The following SEMA3F variants were observed in gnomAD, a reference collection of about 807,000 sequenced individuals.
The protein encoded by SEMA3F is semaphorin-3F.
A neutral mutation model predicts 98.5 loss-of-function variants in SEMA3F; 30 were observed. That is an observed-to-expected ratio of 0.30 (90% CI 0.23 to 0.41). The LOEUF (loss-of-function observed/expected upper bound fraction) is 0.41. Ranked by LOEUF, SEMA3F falls within the 10% of genes least tolerant of loss-of-function variation. The pLI is 1.00. For synonymous variants in SEMA3F, 380 were observed against 444.8 expected, an observed-to-expected ratio of 0.85 and a Z score of 1.83; for missense variants, 866 against 1,119.3, an observed-to-expected ratio of 0.77 and a Z score of 3.23.
At position 50,159,630 on chromosome 3, in the gene SEMA3F, T is replaced by TCGC; in HGVS notation, c.11_13dup (p.Ala4dup). 6.2e-7 allele frequency: 1 copy of TCGC among 1,607,280 alleles called. No homozygotes were observed. Among genetic ancestry groups the TCGC allele is most frequent in the Non-Finnish European group, 8.5e-7 (1 of 1,176,112 alleles). On this transcript the variant is annotated inframe_insertion, in exon 2 of 19. Transcript: ENST00000002829. Reference sequence around the variant, plus strand: ...CCCTAGGCCCCTCCCACAATGCTTGTCGCCGGTCTTCTTCTCTGGGCTTCC... The same window carrying TCGC: ...CCCTAGGCCCCTCCCACAATGCTTGTCGCCGCCGGTCTTCTTCTCTGGGCTTCC...
chr3:50,157,794 A>G lies in SEMA3F; in HGVS notation c.-48-1781A>G, dbSNP rs527737357. 2.5e-4 allele frequency among the ~76,000 whole-genome samples: 38 copies of G among 152,176 alleles called. No individual in the cohort carries two copies. In the South Asian group the frequency reaches 7.1e-3, roughly 28 times the overall value. On this transcript the variant is annotated intron_variant, in intron 1 of 18. Transcript: ENST00000002829. Reference sequence around the variant, plus strand: ...TCTCTGGACACATTGGGTGACTCCAACCCTGTCCTTGGTGACACTGACTTT... The same window carrying G: ...TCTCTGGACACATTGGGTGACTCCAGCCCTGTCCTTGGTGACACTGACTTT...
chr3:50,180,892 C>A (rs1164810886), intron 7 of SEMA3F, among the ~76,000 whole-genome samples: 1 of 152,032 alleles, frequency 6.6e-6, no homozygotes, highest in Admixed American at 6.5e-5. Context: ...CATGGTGAAA[C>A]CCCGTCTCTA....
chr3:50,185,483 T>C lies in SEMA3F; in HGVS notation c.1497T>C (p.Asp499=). The change falls in exon 14 of 19, where the codon GAT becomes GAC. Residue 499 remains aspartate (D), a synonymous_variant. Transcript: ENST00000002829. Reference sequence around the variant, plus strand: ...AGAAGGTCATTGTGCTGCCCAAGGATGACCAGGAGTTGGAGGAGCTCATGC... The same window carrying C: ...AGAAGGTCATTGTGCTGCCCAAGGACGACCAGGAGTTGGAGGAGCTCATGC... ...TVQKVIVLPK[D]DQELEELMLE... 6.2e-7 allele frequency: 1 copy of C among 1,613,844 alleles called. No individual in the cohort carries two copies. The highest frequency in any genetic ancestry group is 1.1e-5 in the South Asian group (1 of 91,064).
chr3:50,175,287 T>G, intron 6 of SEMA3F, 99 bp downstream of exon 6: 2 of 812,734 alleles, frequency 2.5e-6, no homozygotes, highest in South Asian at 1.5e-5. Flanking sequence ...GGGCCTCCCC[T>G]CTACCTCTGT....
intron 2 of SEMA3F, among the ~76,000 whole-genome samples, chr3:50,171,314 AGGGGACTCGGACTT>A (rs1449424333): frequency 6.6e-6 from 1 of 152,110 alleles, no homozygotes. Context: ...GCAAGAGGGT[AGGGGACTCGGACTT>A]GGGCCTCGGG....
At position 50,186,368 on chromosome 3, in the gene SEMA3F, C is replaced by A; in HGVS notation, c.1813+20C>A. The A allele has an allele frequency of 6.2e-7, 1 of 1,609,202 alleles. No individual in the cohort carries two copies. Among genetic ancestry groups the A allele is most frequent in the Non-Finnish European group, 8.5e-7 (1 of 1,176,518 alleles). On this transcript the variant is annotated intron_variant, in intron 17 of 18. Coordinates refer to ENST00000002829, the MANE Select transcript of SEMA3F (RefSeq NM_004186.5). ...CCAATGGTGAGTATGCTGGGCCTCA[C>A]TGTGGGGTGCTGCTCACACTGCAGA...
Position 50,174,054 on chromosome 3 carries a change from A to G in SEMA3F, c.276A>G (p.Ile92Met), listed in dbSNP as rs150737136. 269 of 1,613,978 alleles carry G rather than the reference A, an allele frequency of 1.7e-4. 1 individual carries two copies. Among genetic ancestry groups the G allele is most frequent in the Non-Finnish European group, 8.5e-5 (100 of 1,180,028 alleles). Residue 92 changes from isoleucine to methionine, a missense_variant and splice_region_variant, in exon 4 of 19, where the codon ATA (isoleucine) becomes ATG (methionine). This residue lies in a region of SEMA3F where 247 missense variants were observed against 276.0 expected (regional missense o/e 0.89). Transcript: ENST00000002829. ...LHDINREPLI[I>M]HWAASPQRIE... ...CCTTCTGACCCCCCTCTCTGCAGAT[A>G]CACTGGGCAGCCTCCCCACAGCGCA...
At position 50,185,932 on chromosome 3, in the gene SEMA3F, G is replaced by A. The variant is rs780779649; in HGVS notation, c.1631G>A (p.Ser544Asn). 6.2e-7 allele frequency: 1 copy of A among 1,613,972 alleles called. No homozygotes were observed. Among genetic ancestry groups the A allele is most frequent in the Non-Finnish European group, 8.5e-7 (1 of 1,179,972 alleles). ...VASAVGVTHLSLHRCQAYGAA... is the reference protein window; with the variant it reads ...VASAVGVTHLNLHRCQAYGAA... ...TCAGCCGTGGGTGTCACACACCTGA[G>A]CCTGCACCGCTGCCAGGCGTATGGG... Residue 544 changes from serine to asparagine, a missense_variant, in exon 16 of 19, where the codon AGC becomes AAC. Physicochemically the swap from Ser to Asn is conservative, Grantham distance 46 (BLOSUM62 1). Coordinates refer to ENST00000002829, the MANE Select transcript of SEMA3F (RefSeq NM_004186.5).
At position 50,188,200 on chromosome 3, in the gene SEMA3F, A is replaced by T. The variant is rs992771986; in HGVS notation, c.*85A>T. 8.3e-5 allele frequency: 28 copies of T among 337,950 alleles called. No homozygotes were observed. Among genetic ancestry groups the T allele is most frequent in the African/African-American group, 2.6e-4 (11 of 42,306 alleles). The allele number at this position is 337,950 out of a possible 1,614,324, so 20.9% of individuals were successfully genotyped here. ...ATATATATATATATATATATATATAAAATATCTATATTCTATACACACCCT... is the reference window on the plus strand; with the variant it reads ...ATATATATATATATATATATATATATAATATCTATATTCTATACACACCCT... On this transcript the variant is annotated 3_prime_UTR_variant, in exon 19 of 19. Transcript: ENST00000002829. The surrounding 1 kb of genome is among the most constrained non-coding windows in gnomAD (Gnocchi z 4.5).
Position 50,185,719 on chromosome 3 carries a change from G to A in SEMA3F, c.1587+12G>A. On this transcript the variant is annotated intron_variant, in intron 15 of 18. Transcript: ENST00000002829. Reference sequence around the variant, plus strand: ...TCTCTTCTAAGAGGGTAAGCCTTTGGCGAGGTGAGCCAAGGTTGGGGACAG... The same window carrying A: ...TCTCTTCTAAGAGGGTAAGCCTTTGACGAGGTGAGCCAAGGTTGGGGACAG... 6.2e-7 allele frequency: 1 copy of A among 1,614,176 alleles called. No homozygotes were observed. Among genetic ancestry groups the A allele is most frequent in the Non-Finnish European group, 8.5e-7 (1 of 1,180,000 alleles).
chr3:50,162,447 T>C (rs75602844), intron 2 of SEMA3F, among the ~76,000 whole-genome samples: 1,870 of 152,258 alleles, frequency 0.012, 18 homozygotes, highest in Non-Finnish European at 0.021. Context: ...CAGGAGCAGG[T>C]GAGGTGTTTG....
intron 7 of SEMA3F, among the ~76,000 whole-genome samples, chr3:50,178,829 CTTTTTTTTT>C (rs1226887922): frequency 2.7e-5 from 2 of 75,160 alleles, no homozygotes; most frequent in Non-Finnish European, 5.0e-5. Flanking sequence ...AATTCTTTTT[CTTTTTTTTT>C]TTTTTTTTTT....
intron 2 of SEMA3F, 36 bp downstream of exon 2, chr3:50,159,770 C>G (rs1575373269): frequency 7.2e-7 from 1 of 1,392,248 alleles, no homozygotes; most frequent in Non-Finnish European, 1.0e-6. Context: ...AGAAATCATC[C>G]TCTCTTTACA....
intron 7 of SEMA3F, among the ~76,000 whole-genome samples, chr3:50,180,951 C>T (rs1231337315): frequency 1.3e-5 from 2 of 151,898 alleles, no homozygotes; most frequent in Non-Finnish European, 2.9e-5. Context: ...CCTGTAGTCC[C>T]AGCTACTTGG....
chr3:50,166,447 C>T lies in SEMA3F; in HGVS notation c.112+6713C>T, dbSNP rs1040796987. On this transcript the variant is annotated intron_variant, in intron 2 of 18. Coordinates refer to ENST00000002829, the MANE Select transcript of SEMA3F (RefSeq NM_004186.5). The surrounding 1 kb of genome is among the most constrained non-coding windows in gnomAD (Gnocchi z 4.7). ...CCTGTATTGCCATTTTTATCAGCGC[C>T]TTCCTGGCTGGGCCTGGGGCCTGTG... Among the ~76,000 whole-genome samples the T allele has an allele frequency of 2.0e-5, 3 of 152,242 alleles. No individual in the cohort carries two copies. Among genetic ancestry groups the T allele is most frequent in the African/African-American group, 7.2e-5 (3 of 41,458 alleles).
Position 50,186,042 on chromosome 3 carries a change from A to C in SEMA3F, c.1741A>C (p.Lys581Gln). The C allele has an allele frequency of 6.2e-7, 1 of 1,609,728 alleles. No individual in the cohort carries two copies. Among genetic ancestry groups the C allele is most frequent in the Non-Finnish European group, 8.5e-7 (1 of 1,177,100 alleles). The change falls in exon 16 of 19, where the codon AAG (lysine) becomes CAG (glutamine). Residue 581 changes from lysine to glutamine, a missense_variant. Around this residue, in one of 3 missense-constraint regions of SEMA3F, gnomAD observed 374 missense variants for 582.8 expected, o/e 0.64. Transcript: ENST00000002829. ...CTGCTCCCGCTATACAGCATCCTCC[A>C]AGAGGTGTGGACCCCTAGACACCTA... is the stretch of plus-strand genomic sequence containing the variant. ...QACSRYTASS[K>Q]RRSRRQDVRH...
At chr3:50,170,588 C>T (rs1698563749) in intron 2 of SEMA3F, among the ~76,000 whole-genome samples, 1 of 152,114 alleles carries the variant, frequency 6.6e-6, no homozygotes, top group Non-Finnish European at 1.5e-5. Context: ...TCTCTGAGAT[C>T]AGAACGGGGT....
At position 50,185,434 on chromosome 3, in the gene SEMA3F, C is replaced by T. The variant is rs878868433; in HGVS notation, c.1457-9C>T. ...CAGCCCCACTGAGGCCCTGCCCGGCCCGTTCCAGACCGCGGGACAGTGCAG... is the reference window on the plus strand; with the variant it reads ...CAGCCCCACTGAGGCCCTGCCCGGCTCGTTCCAGACCGCGGGACAGTGCAG... On this transcript the variant is annotated splice_polypyrimidine_tract_variant and intron_variant, in intron 13 of 18. Coordinates refer to ENST00000002829, the MANE Select transcript of SEMA3F (RefSeq NM_004186.5). 6 of 1,611,620 alleles carry T rather than the reference C, an allele frequency of 3.7e-6. No homozygotes were observed. Among genetic ancestry groups the T allele is most frequent in the Middle Eastern group, 1.7e-4 (1 of 5,874 alleles).
intron 2 of SEMA3F, among the ~76,000 whole-genome samples, chr3:50,171,323 G>A (rs143208781): frequency 0.011 from 1,620 of 152,266 alleles, 25 homozygotes; most frequent in Non-Finnish European, 0.011. Context: ...TAGGGGACTC[G>A]GACTTGGGCC....
Sources: allele counts gnomAD v4.1 joint callset (sites outside exome capture counted in the v4.1 genomes callset), GRCh38; gene constraint gnomAD v4.1.1; regional missense constraint gnomAD v4.1.1; non-coding constraint Gnocchi (gnomAD v3.1); transcripts MANE v1.5; gene names NCBI Gene and HGNC (gene_info 2026-07-23, HGNC 2026-07-21).